FGF14: variants seen among roughly 807,000 people sequenced by gnomAD.
FGF14 encodes fibroblast growth factor homologous factor 4.
A neutral mutation model predicts 25.5 loss-of-function variants in FGF14; 5 were observed. That is an observed-to-expected ratio of 0.20 (90% confidence interval 0.10 to 0.41). The LOEUF (loss-of-function observed/expected upper bound fraction) is 0.41, where lower values mean the gene tolerates loss of function less well. Ranked by LOEUF, FGF14 falls within the 10% of genes least tolerant of loss-of-function variation. FGF14 has a pLI of 1.00. For synonymous variants in FGF14, 138 were observed against 118.3 expected (o/e 1.17, Z -1.08); for missense variants, 222 against 320.1 (o/e 0.69, Z 2.34).
intron 1 of FGF14, among the ~76,000 whole-genome samples, chr13:101,971,826 G>A (rs2037613818): frequency 6.6e-6 from 1 of 152,190 alleles, no homozygotes; most frequent in Non-Finnish European, 1.5e-5. Context: ...CCACTATAAA[G>A]TTGCTGTCCC....
intron 1 of FGF14, among the ~76,000 whole-genome samples, chr13:101,938,822 G>C (rs1197183464): frequency 6.6e-6 from 1 of 152,174 alleles, no homozygotes; most frequent in African/African-American, 2.4e-5. Flanking sequence ...GCTGGAATTA[G>C]GACATAGATG....
At chr13:101,793,744 A>C (rs2040368018) in intron 3 of FGF14, among the ~76,000 whole-genome samples, 1 of 151,962 alleles carries the variant, frequency 6.6e-6, no homozygotes, top group African/African-American at 2.4e-5. Flanking sequence ...CACTTCCTAC[A>C]CCCAAACTGA....
chr13:101,977,784 T>C (rs1019575254), intron 1 of FGF14, among the ~76,000 whole-genome samples: 10 of 152,168 alleles, frequency 6.6e-5, no homozygotes, highest in Non-Finnish European at 1.5e-4. Context: ...TGAATCATCA[T>C]TGGACTCTAC....
rs17689101 is a variant in FGF14, at chr13:102,186,533, G to A, written c.208+214938C>T. On this transcript the variant is annotated intron_variant, in intron 1 of 4. Coordinates refer to the FGF14 transcript ENST00000376131. The stretch of plus-strand genomic sequence containing the variant: ...TAGTGTAAAAATCAATAACATTGAT[G>A]TGAATAAACACATTATTTCACTGAA... Among the ~76,000 whole-genome samples, 703 of 152,222 alleles carry A rather than the reference G, an allele frequency of 4.6e-3. 9 individuals carry two copies. The highest frequency in any genetic ancestry group is 0.029 in the East Asian group (150 of 5,182).
chr13:102,025,962 A>G (rs1393600009), intron 1 of FGF14, among the ~76,000 whole-genome samples: 1 of 151,874 alleles, frequency 6.6e-6, no homozygotes, highest in East Asian at 1.9e-4. Context: ...AAATAGAGTT[A>G]ATTTTACTTC....
chr13:101,939,922 G>GA (rs2035335578), intron 1 of FGF14, among the ~76,000 whole-genome samples: 1 of 151,998 alleles, frequency 6.6e-6, no homozygotes, highest in Admixed American at 6.6e-5. Context: ...AGAGAAGAAG[G>GA]AAAAAAAGTA....
At chr13:102,121,957 TA>T (rs1289626790) in intron 1 of FGF14, among the ~76,000 whole-genome samples, 4 of 152,222 alleles carry the variant, frequency 2.6e-5, no homozygotes, top group Non-Finnish European at 4.4e-5. Flanking sequence ...TTCTGGCATT[TA>T]AAAGTTAGGT....
chr13:102,179,084 T>C (rs887721613), intron 1 of FGF14, among the ~76,000 whole-genome samples: 14 of 152,118 alleles, frequency 9.2e-5, no homozygotes, highest in African/African-American at 3.4e-4. Flanking sequence ...GATTCAGTCA[T>C]GCAGCCCATG....
chr13:101,866,945 C>G lies in FGF14; in HGVS notation c.408+1780G>C, dbSNP rs573740013. ...AGTCAAGGATGGGAAGAGGAGAACA[C>G]CAACATCTGTAAGTCAGAGAATAAA... On this transcript the variant is annotated intron_variant, in intron 3 of 4. Transcript: ENST00000376143. Among the ~76,000 whole-genome samples the G allele has an allele frequency of 2.0e-5, 3 of 152,144 alleles. No homozygotes were observed. In the South Asian group the frequency reaches 6.2e-4, roughly 32 times the overall value.
At chr13:101,973,213 T>C (rs1031526846) in intron 1 of FGF14, among the ~76,000 whole-genome samples, 1 of 151,596 alleles carries the variant, frequency 6.6e-6, no homozygotes, top group South Asian at 2.1e-4. Flanking sequence ...AACTGAGTAG[T>C]ACACAGGAAG....
At chr13:102,371,258 C>A (rs895663081) in intron 1 of FGF14, among the ~76,000 whole-genome samples, 2 of 152,190 alleles carry the variant, frequency 1.3e-5, no homozygotes, top group Admixed American at 6.5e-5. Flanking sequence ...AATCGAATCA[C>A]CAACTCTGTA....
chr13:102,338,347 A>T (rs549428031), intron 1 of FGF14, among the ~76,000 whole-genome samples: 1 of 152,338 alleles, frequency 6.6e-6, no homozygotes, highest in East Asian at 1.9e-4. Flanking sequence ...CTTAGGATGT[A>T]AACAGTTAAG....
At chr13:102,384,913 C>T (rs1042794390) in intron 1 of FGF14, among the ~76,000 whole-genome samples, 2 of 152,132 alleles carry the variant, frequency 1.3e-5, no homozygotes, top group African/African-American at 4.8e-5. Context: ...TAATGCAGGA[C>T]AGCACCTACA....
At chr13:102,332,631 C>G (rs2056667841) in intron 1 of FGF14, among the ~76,000 whole-genome samples, 1 of 152,022 alleles carries the variant, frequency 6.6e-6, no homozygotes, top group South Asian at 2.1e-4. Context: ...GCATCATGTC[C>G]TCAAATACAT....
intron 1 of FGF14, among the ~76,000 whole-genome samples, chr13:102,399,524 T>C (rs1404549093): frequency 6.6e-6 from 1 of 152,170 alleles, no homozygotes; most frequent in African/African-American, 2.4e-5. Flanking sequence ...GGTCTTCATA[T>C]TAGGCTGTGA....
At chr13:102,401,346 A>G (rs1472048053) in intron 1 of FGF14, 1 of 889,088 alleles carries the variant, frequency 1.1e-6, no homozygotes, top group African/African-American at 1.6e-5. Flanking sequence ...CTCTATATGC[A>G]ACACTGTCCT....
At chr13:102,158,832 T>C (rs2140554468) in intron 1 of FGF14, among the ~76,000 whole-genome samples, 1 of 152,158 alleles carries the variant, frequency 6.6e-6, no homozygotes, top group East Asian at 1.9e-4. Flanking sequence ...AATTGTACTA[T>C]TATTTGCCAC....
intron 1 of FGF14, among the ~76,000 whole-genome samples, chr13:102,174,203 C>T (rs554953845): frequency 1.1e-3 from 168 of 150,382 alleles, no homozygotes; most frequent in African/African-American, 3.9e-3. Flanking sequence ...GGCGCGATCT[C>T]GGCTCACTGC....
chr13:101,751,229 C>A (rs1030372510), intron 3 of FGF14, among the ~76,000 whole-genome samples: 1 of 151,922 alleles, frequency 6.6e-6, no homozygotes, highest in African/African-American at 2.4e-5. Context: ...AATATTGGCT[C>A]GTTCATTATA....
Sources: allele counts gnomAD v4.1 joint callset (sites outside exome capture counted in the v4.1 genomes callset), GRCh38; gene constraint gnomAD v4.1.1; transcripts MANE v1.5; gene names NCBI Gene and HGNC (gene_info 2026-07-23, HGNC 2026-07-21).